SAMD4A: variants seen among roughly 807,000 people sequenced by gnomAD.
SAMD4A encodes protein Smaug homolog 1.
Under a neutral mutation model 81.3 loss-of-function variants are expected in SAMD4A, and 33 were observed. The observed-to-expected ratio is 0.41, with a 90% confidence interval of 0.31 to 0.54. The LOEUF is 0.54. Ranked by LOEUF, SAMD4A falls within the 20% of genes least tolerant of loss-of-function variation. SAMD4A has a pLI of 0.37. For missense variants in SAMD4A, 854 were observed against 951.1 expected, an observed-to-expected ratio of 0.90 and a Z score of 1.34; for synonymous variants, 389 against 382.1, an observed-to-expected ratio of 1.02 and a Z score of -0.21.
intron 2 of SAMD4A, among the ~76,000 whole-genome samples, chr14:54,661,684 C>T (rs966038816): frequency 6.6e-6 from 1 of 152,110 alleles, no homozygotes; most frequent in Non-Finnish European, 1.5e-5. Flanking sequence ...GAGATTCAGC[C>T]GACTATTCCC....
chr14:54,692,801 AT>A (rs935949939), intron 2 of SAMD4A, among the ~76,000 whole-genome samples: 1 of 148,196 alleles, frequency 6.7e-6, no homozygotes, highest in Non-Finnish European at 1.5e-5. Flanking sequence ...GTGAGGTAAC[AT>A]TTTTTTCATC....
intron 2 of SAMD4A, among the ~76,000 whole-genome samples, chr14:54,654,474 T>G (rs2035476513): frequency 6.6e-6 from 1 of 152,174 alleles, no homozygotes; most frequent in African/African-American, 2.4e-5. Flanking sequence ...GACCCCACAC[T>G]AGGATTTTGT....
intron 2 of SAMD4A, among the ~76,000 whole-genome samples, chr14:54,658,692 C>T (rs2035576306): frequency 6.6e-6 from 1 of 152,220 alleles, no homozygotes; most frequent in Admixed American, 6.5e-5. Flanking sequence ...TCTGGCTGAG[C>T]ACCTTGGAAC....
At chr14:54,766,454 C>G (rs1229528071) in intron 8 of SAMD4A, among the ~76,000 whole-genome samples, 1 of 152,126 alleles carries the variant, frequency 6.6e-6, no homozygotes, top group African/African-American at 2.4e-5. Context: ...CCTGAGTGCC[C>G]TGGAGCACAG....
intron 2 of SAMD4A, among the ~76,000 whole-genome samples, chr14:54,602,374 A>ACACG (rs1202335135): frequency 1.1e-3 from 153 of 143,606 alleles, no homozygotes; most frequent in Non-Finnish European, 2.0e-3. Flanking sequence ...ACACACACAC[A>ACACG]CGAAACACCA....
At chr14:54,627,586 C>T (rs1214506274) in intron 2 of SAMD4A, among the ~76,000 whole-genome samples, 1 of 152,202 alleles carries the variant, frequency 6.6e-6, no homozygotes, top group African/African-American at 2.4e-5. Context: ...AACAAGTCAG[C>T]TCAGCTTTTT....
At chr14:54,650,226 GTTGATAAACCTTTACATCATTTA>G (rs1269767069) in intron 2 of SAMD4A, among the ~76,000 whole-genome samples, 1 of 152,206 alleles carries the variant, frequency 6.6e-6, no homozygotes, top group African/African-American at 2.4e-5. Flanking sequence ...TTTACATATT[GTTGATAAACCTTTACATCATTTA>G]TTGACTCATA....
intron 2 of SAMD4A, among the ~76,000 whole-genome samples, chr14:54,573,949 T>C (rs1290208666): frequency 6.6e-6 from 1 of 152,230 alleles, no homozygotes; most frequent in Non-Finnish European, 1.5e-5. Context: ...ATTCCACATA[T>C]CAACATTTTA....
chr14:54,687,097 A>G (rs17127758), intron 2 of SAMD4A, among the ~76,000 whole-genome samples: 14,201 of 152,228 alleles, frequency 0.093, 1,059 homozygotes, highest in African/African-American at 0.2. Context: ...CTTCTCCTCC[A>G]AAGGCTCTAC....
rs1175198470 is a variant in SAMD4A at position 54,757,402 on chromosome 14, TGTGTGTGTGTGTGTGTGTGTG to T, written c.1177-2758_1177-2738del. Among the ~76,000 whole-genome samples, 92 of 147,782 alleles carry T rather than the reference TGTGTGTGTGTGTGTGTGTGTG, an allele frequency of 6.2e-4. 1 individual carries two copies. Among genetic ancestry groups the T allele is most frequent in the African/African-American group, 2.3e-3 (89 of 38,878 alleles). On this transcript the variant is annotated intron_variant, in intron 6 of 12. Coordinates refer to ENST00000554335, the MANE Select transcript of SAMD4A (RefSeq NM_015589.6). ...CTTTATTTGTGTGTGTGTGTGTGTGTGTGTGTGTGTGTGTGTGTGTGTGTGTTTTGTTTTGTTTTGTTTGGT... is the reference window on the plus strand; with the variant it reads ...CTTTATTTGTGTGTGTGTGTGTGTGTTGTGTTTTGTTTTGTTTTGTTTGGT...
intron 4 of SAMD4A, among the ~76,000 whole-genome samples, chr14:54,743,630 G>A (rs2037896998): frequency 6.6e-6 from 1 of 151,696 alleles, no homozygotes; most frequent in African/African-American, 2.4e-5. Flanking sequence ...GCGGGGAGAA[G>A]GTTAGGCCCT....
At chr14:54,699,350 A>G (rs7144545) in intron 2 of SAMD4A, among the ~76,000 whole-genome samples, 198 of 152,218 alleles carry the variant, frequency 1.3e-3, no homozygotes, top group African/African-American at 4.3e-3. Flanking sequence ...TCAGGTGGCA[A>G]TTAGCTAAAT....
chr14:54,618,222 A>G (rs1269967742), intron 2 of SAMD4A, among the ~76,000 whole-genome samples: 1 of 152,154 alleles, frequency 6.6e-6, no homozygotes, highest in Non-Finnish European at 1.5e-5. Context: ...GCCGCCTCCC[A>G]CCAGCTCCCG....
intron 7 of SAMD4A, among the ~76,000 whole-genome samples, chr14:54,763,020 A>AATTTTTTGT (rs2038444206): frequency 6.6e-6 from 1 of 151,562 alleles, no homozygotes; most frequent in South Asian, 2.1e-4. Context: ...ACGCCTGGCT[A>AATTTTTTGT]ATTTTTTGTA....
chr14:54,650,490 C>T (rs921581315), intron 2 of SAMD4A, among the ~76,000 whole-genome samples: 4 of 152,180 alleles, frequency 2.6e-5, no homozygotes, highest in Admixed American at 6.5e-5. Flanking sequence ...GCAGCTCCTG[C>T]GACTGGACTG....
At chr14:54,667,451 T>C (rs34522265) in intron 2 of SAMD4A, among the ~76,000 whole-genome samples, 4,212 of 152,300 alleles carry the variant, frequency 0.028, 111 homozygotes, top group Middle Eastern at 0.099. Context: ...AGGGAAGGCA[T>C]TGGCTTTGCT....
At chr14:54,770,545 A>C (rs1389120396) in intron 9 of SAMD4A, among the ~76,000 whole-genome samples, 1 of 152,266 alleles carries the variant, frequency 6.6e-6, no homozygotes, top group Non-Finnish European at 1.5e-5. Context: ...GCTTACCCAC[A>C]AAAGGGGGAT....
chr14:54,626,066 G>T (rs999065633), intron 2 of SAMD4A, among the ~76,000 whole-genome samples: 1 of 93,602 alleles, frequency 1.1e-5, no homozygotes, highest in East Asian at 2.2e-4. Flanking sequence ...GTGTGCGCGC[G>T]CGCGCGCGCG....
intron 6 of SAMD4A, among the ~76,000 whole-genome samples, chr14:54,755,509 A>C (rs1377997742): frequency 3.3e-5 from 5 of 152,130 alleles, no homozygotes; most frequent in Non-Finnish European, 7.4e-5. Context: ...GAACAATAAC[A>C]CAGGCTATGC....
Sources: gnomAD v4.1 joint callset for allele counts (sites outside exome capture counted in the v4.1 genomes callset) on GRCh38, gnomAD v4.1.1 for gene constraint, MANE v1.5 for transcripts, NCBI Gene and HGNC (gene_info 2026-07-23, HGNC 2026-07-21) for gene names.